Variants in CUL2 observed in about 807,000 individuals in gnomAD.
The protein encoded by CUL2 is cullin 2.
CUL2 carries 22 observed loss-of-function variants against 110.2 expected under a neutral mutation model. The observed-to-expected ratio is 0.20, with a 90% confidence interval of 0.14 to 0.28. CUL2 has a LOEUF of 0.28. Ranked by LOEUF, CUL2 falls within the 10% of genes least tolerant of loss-of-function variation. The probability of loss-of-function intolerance (pLI) is 1.00; values close to 1 mark genes in which losing one functional copy is unlikely to be tolerated. For missense variants in CUL2, 631 were observed against 905.5 expected, an observed-to-expected ratio of 0.70 and a Z score of 3.89; for synonymous variants, 279 against 293.2, an observed-to-expected ratio of 0.95 and a Z score of 0.49.
At chr10:35,111,816 G>A (rs1273093541) in intron 1 of CUL2, among the ~76,000 whole-genome samples, 1 of 152,134 alleles carries the variant, frequency 6.6e-6, no homozygotes, top group Non-Finnish European at 1.5e-5. Flanking sequence ...CTTGACTCTG[G>A]GAGGCAGAGG....
intron 2 of CUL2, among the ~76,000 whole-genome samples, chr10:35,067,139 CAA>C (rs71523356): frequency 2.7e-4 from 21 of 76,824 alleles, no homozygotes; most frequent in South Asian, 4.5e-4. Context: ...AACTCCATCT[CAA>C]AAAAAAAAAA....
At chr10:35,089,088 T>C (rs1235355386) in intron 1 of CUL2, among the ~76,000 whole-genome samples, 1 of 152,140 alleles carries the variant, frequency 6.6e-6, no homozygotes, top group East Asian at 1.9e-4. Context: ...GGCAGAAGAA[T>C]TGCTTGAACC....
At chr10:35,041,478 A>G (rs2085786450) in intron 8 of CUL2, among the ~76,000 whole-genome samples, 1 of 152,206 alleles carries the variant, frequency 6.6e-6, no homozygotes. Context: ...TGGAGAGCAA[A>G]GCCCAGGGTT....
chr10:35,023,254 A>G (rs143434966), intron 17 of CUL2, among the ~76,000 whole-genome samples: 1 of 152,292 alleles, frequency 6.6e-6, no homozygotes, highest in African/African-American at 2.4e-5. Context: ...CAAAGTTGGG[A>G]AGAAAAACAA....
intron 6 of CUL2, among the ~76,000 whole-genome samples, chr10:35,047,121 C>A (rs1344524904): frequency 6.6e-6 from 1 of 152,032 alleles, no homozygotes; most frequent in Non-Finnish European, 1.5e-5. Flanking sequence ...GACTAAATTA[C>A]TAATTTCTTC....
chr10:35,071,401 T>C, intron 1 of CUL2, 62 bp from the exon 2 acceptor site: 1 of 1,447,130 alleles, frequency 6.9e-7, no homozygotes, highest in South Asian at 1.2e-5. Context: ...TTTTTTGTTG[T>C]TGTTTTTTGT....
At chr10:35,022,059 C>T (rs775772482) in intron 17 of CUL2, among the ~76,000 whole-genome samples, 6 of 147,048 alleles carry the variant, frequency 4.1e-5, no homozygotes, top group African/African-American at 7.3e-5. Flanking sequence ...TTCAAAACAC[C>T]GTACTGTAAC....
chr10:35,048,717 ATCAC>A (rs1005927854), intron 6 of CUL2, among the ~76,000 whole-genome samples: 2 of 152,210 alleles, frequency 1.3e-5, no homozygotes, highest in Admixed American at 6.5e-5. Flanking sequence ...AAACAATGGA[ATCAC>A]TCAAACGGTC....
rs931450655 is a variant in CUL2, at chr10:35,031,476, C to T, written c.1299+15G>A. On this transcript the variant is annotated intron_variant, in intron 13 of 20. Transcript: ENST00000374749. The surrounding 1 kb of genome is among the most constrained non-coding windows in gnomAD (Gnocchi z 4.4). Reference sequence around the variant, plus strand: ...TGACCAAAATACAAATGAAACTTTTCTGTTCACAACATACCTTTTGAAAGA... The same window carrying T: ...TGACCAAAATACAAATGAAACTTTTTTGTTCACAACATACCTTTTGAAAGA... 6.2e-7 allele frequency: 1 copy of T among 1,607,120 alleles called. No individual in the cohort carries two copies.
intron 6 of CUL2, among the ~76,000 whole-genome samples, chr10:35,045,605 C>T (rs1010545262): frequency 1.6e-4 from 24 of 151,332 alleles, no homozygotes; most frequent in Middle Eastern, 3.4e-3. Context: ...GTCCCAGCTA[C>T]TCTGGAGGCT....
chr10:35,120,874 C>G (rs2087669600), intron 1 of CUL2, among the ~76,000 whole-genome samples: 2 of 151,702 alleles, frequency 1.3e-5, no homozygotes, highest in Admixed American at 1.3e-4. Context: ...CCAGCCTGGG[C>G]CATAGAGTAA....
intron 2 of CUL2, among the ~76,000 whole-genome samples, chr10:35,098,680 C>T (rs2087334076): frequency 6.6e-6 from 1 of 152,156 alleles, no homozygotes; most frequent in Admixed American, 6.6e-5. Context: ...CCTGTAATCC[C>T]AGCACTTTGG....
chr10:35,084,938 T>C lies in CUL2; in HGVS notation c.-23+5241A>G, dbSNP rs1383328192. On this transcript the variant is annotated intron_variant, in intron 1 of 20. Coordinates refer to ENST00000374749, the MANE Select transcript of CUL2 (RefSeq NM_003591.4). Reference sequence around the variant, plus strand: ...TTCAAGACCAGCCTGGCCAACATGGTGAAACCCCGTCTCTACTAAAAATAC... The same window carrying C: ...TTCAAGACCAGCCTGGCCAACATGGCGAAACCCCGTCTCTACTAAAAATAC... 2.0e-5 allele frequency among the ~76,000 whole-genome samples: 3 copies of C among 151,796 alleles called. 1 individual carries two copies. The South Asian group carries it at 6.2e-4, about 32-fold the overall frequency.
At chr10:35,075,635 AACACACACACACACACACACAC>A (rs34714483) in intron 1 of CUL2, among the ~76,000 whole-genome samples, 7 of 140,894 alleles carry the variant, frequency 5.0e-5, no homozygotes, top group South Asian at 4.7e-4. Context: ...TGGGCCCTAA[AACACACACACACACACACACAC>A]ACACACACAC....
At position 35,096,007 on chromosome 10, in the gene CUL2, G is replaced by A. The variant is rs143413651; in HGVS notation, c.167+4837C>T. Among the ~76,000 whole-genome samples the A allele has an allele frequency of 9.2e-5, 14 of 152,138 alleles. No individual in the cohort carries two copies. In the East Asian group the frequency reaches 1.7e-3, roughly 19 times the overall value. On this transcript the variant is annotated intron_variant, in intron 2 of 5. Transcript: ENST00000685421. ...CTTAGCCTGTAATCCCAGCACTTTC[G>A]GAGTCCGAGGCGGGTGGATTGCTCG...
intron 1 of CUL2, among the ~76,000 whole-genome samples, chr10:35,112,832 C>A (rs1395628017): frequency 6.6e-6 from 1 of 152,126 alleles, no homozygotes; most frequent in Non-Finnish European, 1.5e-5. Context: ...TCTTTACTTA[C>A]ACCAATAATC....
At chr10:35,011,675 G>C (rs1043665192) in intron 20 of CUL2, among the ~76,000 whole-genome samples, 173 bp downstream of exon 20, 1 of 152,110 alleles carries the variant, frequency 6.6e-6, no homozygotes, top group Non-Finnish European at 1.5e-5. Context: ...CTGCAAATCT[G>C]AATTTAATAC....
chr10:35,113,497 T>TA (rs2087548645), intron 1 of CUL2, among the ~76,000 whole-genome samples: 2 of 10,120 alleles, frequency 2.0e-4, no homozygotes, highest in African/African-American at 4.9e-4. Flanking sequence ...AGACTCTGCC[T>TA]CAAAAAAAAA....
At chr10:35,072,451 C>T (rs1589035094) in intron 1 of CUL2, among the ~76,000 whole-genome samples, 2 of 152,062 alleles carry the variant, frequency 1.3e-5, no homozygotes, top group South Asian at 2.1e-4. Flanking sequence ...TCACTGCAAC[C>T]TTCACCTCCC....
Sources: gnomAD v4.1 joint callset for allele counts (sites outside exome capture counted in the v4.1 genomes callset) on GRCh38, gnomAD v4.1.1 for gene constraint, Gnocchi (gnomAD v3.1) non-coding constraint, MANE v1.5 for transcripts, NCBI Gene and HGNC (gene_info 2026-07-23, HGNC 2026-07-21) for gene names.